EYA2: variants seen among roughly 807,000 people sequenced by gnomAD.
The protein encoded by EYA2 is protein phosphatase EYA2.
In EYA2, 31 loss-of-function variants were observed where a neutral mutation model predicts 69.2. The ratio of observed to expected loss-of-function variants is 0.45; its 90% CI spans 0.34 to 0.60. The LOEUF (loss-of-function observed/expected upper bound fraction) is 0.60. EYA2 is among the 20% of genes least tolerant of loss of function. EYA2 has a pLI of 0.02. For synonymous variants in EYA2, 257 were observed against 279.4 expected, an observed-to-expected ratio of 0.92 and a Z score of 0.80; for missense variants, 622 against 701.2, an observed-to-expected ratio of 0.89 and a Z score of 1.28.
chr20:47,126,236 G>A (rs950749056), intron 9 of EYA2, among the ~76,000 whole-genome samples: 1 of 152,194 alleles, frequency 6.6e-6, no homozygotes, highest in Non-Finnish European at 1.5e-5. Context: ...TGAGAAAGGG[G>A]CAGCCCAGTG....
intron 10 of EYA2, among the ~76,000 whole-genome samples, chr20:47,149,479 G>A (rs551431453): frequency 5.1e-4 from 78 of 152,060 alleles, no homozygotes; most frequent in African/African-American, 1.9e-3. Flanking sequence ...AATGGCAGGT[G>A]TGTTGACAAG....
chr20:47,008,515 A>G (rs1414778844), intron 4 of EYA2, among the ~76,000 whole-genome samples: 1 of 152,242 alleles, frequency 6.6e-6, no homozygotes, highest in African/African-American at 2.4e-5. Context: ...ATCACACATA[A>G]GTTACCCCGC....
At chr20:47,033,818 G>A (rs1315461949) in intron 5 of EYA2, among the ~76,000 whole-genome samples, 1 of 152,216 alleles carries the variant, frequency 6.6e-6, no homozygotes, top group Non-Finnish European at 1.5e-5. Context: ...TGGACATATA[G>A]CATGAAAGAT....
chr20:46,902,365 G>C (rs1381664061), intron 1 of EYA2, among the ~76,000 whole-genome samples: 1 of 152,178 alleles, frequency 6.6e-6, no homozygotes, highest in African/African-American at 2.4e-5. Context: ...TATGTCCCAG[G>C]CATTGTGCTG....
chr20:46,959,670 G>T (rs893792674), intron 1 of EYA2, among the ~76,000 whole-genome samples: 1 of 151,458 alleles, frequency 6.6e-6, no homozygotes, highest in African/African-American at 2.4e-5. Flanking sequence ...ACGCACGCAC[G>T]TACTTTCCTT....
chr20:47,040,160 A>T (rs1015807549), intron 5 of EYA2, among the ~76,000 whole-genome samples: 1 of 152,088 alleles, frequency 6.6e-6, no homozygotes, highest in Admixed American at 6.5e-5. Flanking sequence ...TACTTAATAG[A>T]GGCAATGTTT....
chr20:47,143,147 A>T lies in EYA2; in HGVS notation c.977A>T (p.Glu326Val). 1 of 1,610,010 alleles carries T rather than the reference A, an allele frequency of 6.2e-7. No homozygotes were observed. The highest frequency in any genetic ancestry group is 8.5e-7 in the Non-Finnish European group (1 of 1,178,164). ...ACACATCTGTTCTTCAATGACCTGG[A>T]GGTTTGTGGTTGCTGATTTCATTTA... ...ADTHLFFNDL[E>V]DCDQIHVDDV... The change falls in exon 10 of 16, where the codon GAG becomes GTG. Residue 326 changes from glutamate to valine, a missense_variant and splice_region_variant. Glu to Val is a moderately radical substitution (Grantham distance 121). Coordinates refer to ENST00000327619, the MANE Select transcript of EYA2 (RefSeq NM_005244.5).
At chr20:47,055,576 G>T (rs550323996) in intron 5 of EYA2, among the ~76,000 whole-genome samples, 65 of 152,162 alleles carry the variant, frequency 4.3e-4, no homozygotes, top group African/African-American at 1.5e-3. Context: ...ACCTCCTCTC[G>T]CACACTTGCC....
At chr20:47,023,163 T>C (rs1017023359) in intron 5 of EYA2, among the ~76,000 whole-genome samples, 1 of 152,186 alleles carries the variant, frequency 6.6e-6, no homozygotes, top group Non-Finnish European at 1.5e-5. Context: ...CCCTAACAAT[T>C]AACCACTGTA....
intron 1 of EYA2, among the ~76,000 whole-genome samples, chr20:46,930,192 A>G (rs6090583): frequency 0.42 from 64,404 of 152,036 alleles, 14,724 homozygotes; most frequent in Non-Finnish European, 0.52. Flanking sequence ...GAGATTTTGC[A>G]TAAGTATCAA....
At chr20:46,960,973 C>T (rs565495990) in intron 1 of EYA2, among the ~76,000 whole-genome samples, 1 of 152,316 alleles carries the variant, frequency 6.6e-6, no homozygotes, top group South Asian at 2.1e-4. Context: ...TCTGAGAAGG[C>T]TGACTCCCCA....
chr20:46,988,349 C>T (rs961078727), intron 1 of EYA2, among the ~76,000 whole-genome samples: 12 of 151,792 alleles, frequency 7.9e-5, no homozygotes, highest in Non-Finnish European at 1.3e-4. Flanking sequence ...AAATCTTCAC[C>T]GTGACCATTT....
intron 1 of EYA2, among the ~76,000 whole-genome samples, chr20:46,913,883 T>A (rs2146227289): frequency 6.6e-6 from 1 of 152,152 alleles, no homozygotes; most frequent in East Asian, 1.9e-4. Flanking sequence ...TATGATCATC[T>A]CCTTCTGTCC....
At chr20:47,166,410 A>T (rs1479391678) in intron 10 of EYA2, among the ~76,000 whole-genome samples, 1,681 of 134,610 alleles carry the variant, frequency 0.012, 134 homozygotes, top group African/African-American at 0.05. Flanking sequence ...AAAAAAAAAA[A>T]AAAAAAAAAA....
At chr20:47,047,410 A>G (rs1014786007) in intron 5 of EYA2, among the ~76,000 whole-genome samples, 12 of 109,066 alleles carry the variant, frequency 1.1e-4, no homozygotes, top group African/African-American at 3.9e-4. Context: ...TTTTTGAGAC[A>G]AAGTCTCACT....
At chr20:46,980,717 A>T (rs1393337010) in intron 1 of EYA2, among the ~76,000 whole-genome samples, 1 of 152,112 alleles carries the variant, frequency 6.6e-6, no homozygotes, top group Non-Finnish European at 1.5e-5. Context: ...TATTCCTTCT[A>T]ACTGTATATT....
intron 9 of EYA2, among the ~76,000 whole-genome samples, chr20:47,106,981 T>C (rs2032600749): frequency 6.6e-6 from 1 of 152,156 alleles, no homozygotes; most frequent in African/African-American, 2.4e-5. Context: ...GGGAGGAATT[T>C]GCAGTTGTCA....
At chr20:46,962,464 T>G (rs976936985) in intron 1 of EYA2, among the ~76,000 whole-genome samples, 5 of 152,166 alleles carry the variant, frequency 3.3e-5, no homozygotes, top group African/African-American at 4.8e-5. Flanking sequence ...TTATTATGTG[T>G]CAATTAAAAG....
chr20:46,947,071 GC>G (rs1170477921), intron 1 of EYA2, among the ~76,000 whole-genome samples: 1 of 152,106 alleles, frequency 6.6e-6, no homozygotes, highest in Non-Finnish European at 1.5e-5. Context: ...AGACCTCTTG[GC>G]CCCCAAAGCC....
Sources: allele counts gnomAD v4.1 joint callset (sites outside exome capture counted in the v4.1 genomes callset), GRCh38; gene constraint gnomAD v4.1.1; transcripts MANE v1.5; gene names NCBI Gene and HGNC (gene_info 2026-07-23, HGNC 2026-07-21).